NRG3: variants seen among roughly 807,000 people sequenced by gnomAD.
NRG3 encodes the protein pro-neuregulin-3, membrane-bound isoform.
In NRG3, 31 loss-of-function variants were observed where a neutral mutation model predicts 66.9. That is an observed-to-expected ratio of 0.46 (90% CI 0.35 to 0.63). The LOEUF is 0.63. Among genes scored for constraint, NRG3 ranks in the 20% least tolerant of loss-of-function variants. NRG3 has a pLI of 0.00. For synonymous variants in NRG3, 393 were observed against 359.4 expected (o/e 1.09, Z -1.06); for missense variants, 910 against 878.9 (o/e 1.04, Z -0.45).
At chr10:82,810,658 G>T (rs61858430) in intron 3 of NRG3, among the ~76,000 whole-genome samples, 17,302 of 151,202 alleles carry the variant, frequency 0.11, 1,091 homozygotes, top group South Asian at 0.21. Flanking sequence ...AGCAACTCGG[G>T]AGGCGGAGGC....
At chr10:82,449,186 T>C (rs1331393806) in intron 2 of NRG3, among the ~76,000 whole-genome samples, 3 of 152,212 alleles carry the variant, frequency 2.0e-5, no homozygotes, top group Non-Finnish European at 2.9e-5. Flanking sequence ...TTCCAGATGA[T>C]GCAGTGAGCT....
intron 1 of NRG3, among the ~76,000 whole-genome samples, chr10:82,034,351 A>G (rs567307173): frequency 1.3e-5 from 2 of 152,100 alleles, no homozygotes; most frequent in Non-Finnish European, 2.9e-5. Context: ...TGGCACCTGT[A>G]TGTTCAAAAC....
At chr10:82,634,666 G>A (rs1033529695) in intron 2 of NRG3, among the ~76,000 whole-genome samples, 3 of 152,162 alleles carry the variant, frequency 2.0e-5, no homozygotes, top group African/African-American at 7.2e-5. Context: ...GGTTTTTCCT[G>A]AAAGCAAAGT....
chr10:82,162,796 T>C (rs2071703277), intron 1 of NRG3, among the ~76,000 whole-genome samples: 1 of 152,200 alleles, frequency 6.6e-6, no homozygotes, highest in Admixed American at 6.6e-5. Context: ...AACCCTTTTA[T>C]ACATAAGCCA....
intron 2 of NRG3, among the ~76,000 whole-genome samples, chr10:82,406,912 A>G (rs1416868043): frequency 2.0e-5 from 3 of 151,964 alleles, no homozygotes; most frequent in Admixed American, 6.6e-5. Context: ...TCATTTCCAG[A>G]CTTCCAGAAG....
chr10:82,358,648 G>C, intron 1 of NRG3, 91 bp from the exon 2 acceptor site: 3 of 1,562,090 alleles, frequency 1.9e-6, no homozygotes, highest in Non-Finnish European at 2.6e-6. Context: ...CCATGAGAAG[G>C]CCTCCATACA....
intron 1 of NRG3, among the ~76,000 whole-genome samples, chr10:82,134,251 C>T (rs12266749): frequency 0.064 from 9,732 of 152,186 alleles, 414 homozygotes; most frequent in South Asian, 0.14. Context: ...CCTGTGCAGA[C>T]GCTCTTAAGT....
intron 1 of NRG3, among the ~76,000 whole-genome samples, chr10:82,111,598 C>T (rs2067389886): frequency 6.6e-6 from 1 of 152,146 alleles, no homozygotes; most frequent in Non-Finnish European, 1.5e-5. Context: ...TGACCAAGAT[C>T]TATCCATGAA....
At chr10:82,596,273 T>C (rs1055427628) in intron 2 of NRG3, among the ~76,000 whole-genome samples, 1 of 152,162 alleles carries the variant, frequency 6.6e-6, no homozygotes, top group Non-Finnish European at 1.5e-5. Flanking sequence ...GCATGAGAAG[T>C]TGGGCCAGAG....
intron 2 of NRG3, among the ~76,000 whole-genome samples, chr10:82,626,396 C>G (rs1446508839): frequency 1.3e-5 from 2 of 152,064 alleles, no homozygotes; most frequent in Non-Finnish European, 2.9e-5. Flanking sequence ...AGGTGAGGCC[C>G]AATAAAGGCT....
intron 3 of NRG3, among the ~76,000 whole-genome samples, chr10:82,758,328 A>T (rs918565485): frequency 6.6e-6 from 1 of 152,144 alleles, no homozygotes; most frequent in Admixed American, 6.6e-5. Context: ...GACTTAAAAT[A>T]TAAAGTCTAA....
At chr10:82,029,202 G>GC (rs1350718521) in intron 1 of NRG3, among the ~76,000 whole-genome samples, 1 of 151,840 alleles carries the variant, frequency 6.6e-6, no homozygotes, top group Non-Finnish European at 1.5e-5. Flanking sequence ...GAGAGAGACT[G>GC]CATCTCAAAA....
chr10:82,423,147 G>C (rs2089197271), intron 2 of NRG3, among the ~76,000 whole-genome samples: 1 of 151,820 alleles, frequency 6.6e-6, no homozygotes, highest in Non-Finnish European at 1.5e-5. Flanking sequence ...TGCCACTTAA[G>C]ATTATTTCTC....
chr10:82,220,191 TGTG>T (rs2075872350), intron 1 of NRG3, among the ~76,000 whole-genome samples: 1 of 77,808 alleles, frequency 1.3e-5, no homozygotes, highest in African/African-American at 6.8e-5. Flanking sequence ...CTTTACTGTG[TGTG>T]TGTGTGTGTG....
chr10:82,942,824 A>T (rs976938881), intron 4 of NRG3, among the ~76,000 whole-genome samples: 6 of 152,190 alleles, frequency 3.9e-5, no homozygotes, highest in African/African-American at 1.4e-4. Flanking sequence ...CTATTTGTTT[A>T]TCTGTGAGGG....
At chr10:82,799,540 A>C (rs1231008156) in intron 3 of NRG3, among the ~76,000 whole-genome samples, 1 of 151,896 alleles carries the variant, frequency 6.6e-6, no homozygotes, top group Admixed American at 6.6e-5. Flanking sequence ...AAAAAAAAAA[A>C]AAGACATTTC....
At chr10:82,894,566 T>TATGTTCC (rs1554836112) in intron 4 of NRG3, among the ~76,000 whole-genome samples, 4 of 151,136 alleles carry the variant, frequency 2.6e-5, no homozygotes, top group Admixed American at 6.6e-5. Flanking sequence ...TTTTCTCCTG[T>TATGTTCC]ACTTAGAGTC....
intron 2 of NRG3, among the ~76,000 whole-genome samples, chr10:82,385,696 A>G (rs960639161): frequency 2.6e-5 from 4 of 152,146 alleles, no homozygotes; most frequent in East Asian, 1.9e-4. Flanking sequence ...GATTGTTGCT[A>G]TAGACAGTAA....
At chr10:82,389,324 C>T (rs1208102305) in intron 2 of NRG3, among the ~76,000 whole-genome samples, 1 of 152,190 alleles carries the variant, frequency 6.6e-6, no homozygotes, top group East Asian at 1.9e-4. Flanking sequence ...GTCAATCCCT[C>T]AGTAAACCTT....
Sources: gnomAD v4.1 joint callset for allele counts (sites outside exome capture counted in the v4.1 genomes callset) on GRCh38, gnomAD v4.1.1 for gene constraint, MANE v1.5 for transcripts, NCBI Gene and HGNC (gene_info 2026-07-23, HGNC 2026-07-21) for gene names.